CPEB4: variants seen among roughly 807,000 people sequenced by gnomAD.
CPEB4 encodes the protein cytoplasmic polyadenylation element-binding protein 4.
Under a neutral mutation model 72.5 loss-of-function variants are expected in CPEB4, and 12 were observed. That is an observed-to-expected ratio of 0.17 (90% CI 0.11 to 0.27). The LOEUF is 0.27. Among genes scored for constraint, CPEB4 ranks in the 10% least tolerant of loss-of-function variants. The pLI is 1.00. For synonymous variants in CPEB4, 302 were observed against 326.3 expected (o/e 0.93, Z 0.80); for missense variants, 614 against 908.5 (o/e 0.68, Z 4.17).
At chr5:173,911,872 T>C (rs1756677314) in intron 2 of CPEB4, among the ~76,000 whole-genome samples, 1 of 152,128 alleles carries the variant, frequency 6.6e-6, no homozygotes, top group South Asian at 2.1e-4. Context: ...AGCCTGTTGT[T>C]TCAACTGGTG....
At chr5:173,949,430 T>A in intron 5 of CPEB4, 78 bp from the exon 6 acceptor site, 1 of 1,043,562 alleles carries the variant, frequency 9.6e-7, no homozygotes, top group Non-Finnish European at 1.4e-6. Context: ...AATAGTAGAT[T>A]TGAAACTTAA....
chr5:173,904,960 G>A (rs916406835), intron 1 of CPEB4, among the ~76,000 whole-genome samples: 8 of 143,614 alleles, frequency 5.6e-5, no homozygotes, highest in African/African-American at 1.8e-4. Flanking sequence ...AACAGAGTGA[G>A]ACCCTGTCTC....
At chr5:173,947,678 A>G (rs1310278279) in intron 5 of CPEB4, among the ~76,000 whole-genome samples, 1 of 152,212 alleles carries the variant, frequency 6.6e-6, no homozygotes, top group East Asian at 1.9e-4. Flanking sequence ...TTGTAAGTAC[A>G]TACACAGATA....
chr5:173,949,428 A>G (rs1323605360), intron 5 of CPEB4, 80 bp from the exon 6 acceptor site: 1 of 1,007,752 alleles, frequency 9.9e-7, no homozygotes, highest in Non-Finnish European at 1.5e-6. Flanking sequence ...TAAATAGTAG[A>G]TTTGAAACTT....
rs1205331220 is a variant in CPEB4 at position 173,889,101 on chromosome 5, T to C, written c.-633T>C. Reference sequence around the variant, plus strand: ...CTGCAATCATCTTTCCATTAGTCAATGCTGATTTCCTCTCCCGAAACCAGG... The same window carrying C: ...CTGCAATCATCTTTCCATTAGTCAACGCTGATTTCCTCTCCCGAAACCAGG... On this transcript the variant is annotated 5_prime_UTR_variant, in exon 1 of 10. It removes an upstream start codon present in the reference 5' UTR. Coordinates refer to ENST00000265085, the MANE Select transcript of CPEB4 (RefSeq NM_030627.4). 1 of 152,034 alleles carries C rather than the reference T, an allele frequency of 6.6e-6. No homozygotes were observed. Among genetic ancestry groups the C allele is most frequent in the East Asian group, 1.9e-4 (1 of 5,188 alleles). 9.4% of individuals were successfully genotyped at this position (152,034 alleles called of 1,614,324 possible).
At chr5:173,953,767 C>T (rs115061333) in intron 9 of CPEB4, among the ~76,000 whole-genome samples, 164 of 151,424 alleles carry the variant, frequency 1.1e-3, no homozygotes, top group African/African-American at 3.9e-3. Flanking sequence ...CACCTCTCAC[C>T]GATTTATTCC....
intron 1 of CPEB4, among the ~76,000 whole-genome samples, chr5:173,897,380 TTTGAA>T (rs1756053742): frequency 1.3e-5 from 2 of 152,310 alleles, no homozygotes; most frequent in African/African-American, 4.8e-5. Context: ...GTGCCATAGA[TTTGAA>T]TTGAGAATAG....
intron 2 of CPEB4, among the ~76,000 whole-genome samples, chr5:173,917,429 G>A (rs1756909585): frequency 6.6e-6 from 1 of 152,202 alleles, no homozygotes; most frequent in Admixed American, 6.5e-5. Flanking sequence ...CAGATTCAAA[G>A]TACCATAAAG....
At chr5:173,952,285 C>G (rs762290436) in intron 8 of CPEB4, among the ~76,000 whole-genome samples, 5 of 152,160 alleles carry the variant, frequency 3.3e-5, no homozygotes, top group Non-Finnish European at 7.3e-5. Flanking sequence ...TTATTACGCT[C>G]ATCATTGTCT....
chr5:173,947,916 C>T (rs1032295672), intron 5 of CPEB4, among the ~76,000 whole-genome samples: 20 of 152,006 alleles, frequency 1.3e-4, no homozygotes, highest in Non-Finnish European at 4.4e-5. Flanking sequence ...GGAGTATCTT[C>T]GTAGGCCAGA....
chr5:173,927,861 G>A (rs1221018683), intron 2 of CPEB4, among the ~76,000 whole-genome samples: 2 of 152,170 alleles, frequency 1.3e-5, no homozygotes, highest in African/African-American at 4.8e-5. Flanking sequence ...GTTTATGACG[G>A]CTTTATTCAT....
At chr5:173,898,995 A>T (rs1234348696) in intron 1 of CPEB4, among the ~76,000 whole-genome samples, 1 of 152,226 alleles carries the variant, frequency 6.6e-6, no homozygotes, top group Non-Finnish European at 1.5e-5. Flanking sequence ...ATAAAATACA[A>T]TTCCTAAAGT....
chr5:173,890,155 C>T lies in CPEB4; in HGVS notation c.422C>T (p.Thr141Ile), dbSNP rs769395963. ...EKIRIESPVL[T>I]GFDYQEATGL... ...ATAAGGATCGAATCTCCAGTGTTGA[C>T]AGGGTTTGATTATCAAGAAGCCACT... The change falls in exon 1 of 10, where the codon ACA (threonine) becomes ATA (isoleucine). Residue 141 changes from threonine (T) to isoleucine (I), a missense_variant. By Grantham distance (89) the Thr-to-Ile change is moderately conservative (BLOSUM62 -1). This residue lies in a region of CPEB4 where 458 missense variants were observed against 548.6 expected (regional missense o/e 0.83). Coordinates refer to ENST00000265085, the MANE Select transcript of CPEB4 (RefSeq NM_030627.4). The T allele has an allele frequency of 6.2e-7, 1 of 1,614,128 alleles. No individual in the cohort carries two copies.
chr5:173,936,872 A>T (rs1469466389), intron 3 of CPEB4, among the ~76,000 whole-genome samples: 1 of 149,898 alleles, frequency 6.7e-6, no homozygotes, highest in Non-Finnish European at 1.5e-5. Flanking sequence ...AGGATTAGCT[A>T]CTTCAAAAAT....
chr5:173,931,906 C>G (rs1036603341), intron 2 of CPEB4, among the ~76,000 whole-genome samples: 1 of 152,038 alleles, frequency 6.6e-6, no homozygotes, highest in African/African-American at 2.4e-5. Context: ...GGAAAGTAAC[C>G]CAGCATTTAG....
intron 2 of CPEB4, among the ~76,000 whole-genome samples, chr5:173,912,946 A>G (rs1756718934): frequency 2.0e-5 from 3 of 151,718 alleles, no homozygotes; most frequent in African/African-American, 7.2e-5. Context: ...AAAGTATGGA[A>G]AAAGTAGTTA....
intron 5 of CPEB4, among the ~76,000 whole-genome samples, chr5:173,948,160 AATACT>A (rs1431863626): frequency 6.6e-6 from 1 of 152,232 alleles, no homozygotes; most frequent in African/African-American, 2.4e-5. Flanking sequence ...TCTACTGCAC[AATACT>A]AACTAATATA....
At chr5:173,919,217 T>C (rs1176144665) in intron 2 of CPEB4, among the ~76,000 whole-genome samples, 1 of 152,194 alleles carries the variant, frequency 6.6e-6, no homozygotes, top group Non-Finnish European at 1.5e-5. Context: ...AACAAGTACT[T>C]TTCTTTAATG....
At chr5:173,905,191 A>G (rs1010440682) in intron 1 of CPEB4, among the ~76,000 whole-genome samples, 3 of 152,012 alleles carry the variant, frequency 2.0e-5, no homozygotes, top group African/African-American at 4.8e-5. Flanking sequence ...TTGAGTTGTC[A>G]GTATCTTTTG....
Sources: gnomAD v4.1 joint callset for allele counts (sites outside exome capture counted in the v4.1 genomes callset) on GRCh38, gnomAD v4.1.1 for gene constraint, gnomAD v4.1.1 regional missense constraint, MANE v1.5 for transcripts, NCBI Gene and HGNC (gene_info 2026-07-23, HGNC 2026-07-21) for gene names.